Variants in SNTG1 observed in about 807,000 individuals in gnomAD.
The protein encoded by SNTG1 is gamma-1-syntrophin.
A neutral mutation model predicts 74.7 loss-of-function variants in SNTG1; 39 were observed. The ratio of observed to expected loss-of-function variants is 0.52; its 90% confidence interval spans 0.40 to 0.68. The LOEUF (loss-of-function observed/expected upper bound fraction) is 0.68, where lower values mean the gene tolerates loss of function less well. SNTG1 is among the 30% of genes least tolerant of loss of function. The probability of loss-of-function intolerance (pLI) is 0.00; values close to 1 mark genes in which losing one functional copy is unlikely to be tolerated. For missense variants in SNTG1, 685 were observed against 609.5 expected, an observed-to-expected ratio of 1.12 and a Z score of -1.30; for synonymous variants, 254 against 217.1, an observed-to-expected ratio of 1.17 and a Z score of -1.49.
chr8:50,130,543 C>A (rs900236819), intron 1 of SNTG1, among the ~76,000 whole-genome samples: 1 of 152,036 alleles, frequency 6.6e-6, no homozygotes, highest in Non-Finnish European at 1.5e-5. Flanking sequence ...CAAAATATAA[C>A]ACTTTCACAA....
At chr8:50,259,532 G>A (rs866610712) in intron 2 of SNTG1, among the ~76,000 whole-genome samples, 119 of 7,588 alleles carry the variant, frequency 0.016, 22 homozygotes, top group African/African-American at 0.019. Context: ...AAGAAAGAAA[G>A]AAAGAAAGAA....
intron 2 of SNTG1, among the ~76,000 whole-genome samples, chr8:50,182,815 A>C (rs1472342154): frequency 2.0e-5 from 3 of 152,032 alleles, no homozygotes; most frequent in African/African-American, 7.2e-5. Context: ...TGCATCCCAT[A>C]TCACTCCTCT....
chr8:50,694,218 G>A (rs2095394742), intron 15 of SNTG1, among the ~76,000 whole-genome samples: 2 of 150,862 alleles, frequency 1.3e-5, no homozygotes, highest in Non-Finnish European at 3.0e-5. Context: ...AAAAAGATAA[G>A]AGACTCAAAT....
At chr8:50,502,743 A>AATGATGATTGTATTCTTTTTATTCT (rs1305803596) in intron 8 of SNTG1, 35 bp from the exon 9 acceptor site, 6 of 1,520,938 alleles carry the variant, frequency 3.9e-6, no homozygotes, top group Non-Finnish European at 5.5e-6. Context: ...TGATAAATGT[A>AATGATGATTGTATTCTTTTTATTCT]ATGATGATTG....
chr8:50,346,561 A>G lies in SNTG1; in HGVS notation c.-27-47651A>G, dbSNP rs536102857. ...GAAGCCACGTTTCTCCCTTTAAATC[A>G]AAAGCTAGAAATAATTAAGCTTAAT... On this transcript the variant is annotated intron_variant, in intron 2 of 18. Transcript: ENST00000642720. Among the ~76,000 whole-genome samples, 594 of 152,358 alleles carry G rather than the reference A, an allele frequency of 3.9e-3. 7 individuals carry two copies. Among genetic ancestry groups the G allele is most frequent in the African/African-American group, 0.013 (542 of 41,586 alleles).
chr8:50,466,523 C>T (rs568997576), intron 8 of SNTG1, among the ~76,000 whole-genome samples: 1 of 151,922 alleles, frequency 6.6e-6, no homozygotes, highest in Admixed American at 6.6e-5. Flanking sequence ...AATTTAAAGT[C>T]TTTTGCTGTT....
chr8:50,072,297 A>T (rs931025714), intron 1 of SNTG1, among the ~76,000 whole-genome samples: 2 of 152,228 alleles, frequency 1.3e-5, no homozygotes, highest in African/African-American at 4.8e-5. Flanking sequence ...ATGACTTAAC[A>T]TAGTGCTGAG....
intron 1 of SNTG1, among the ~76,000 whole-genome samples, chr8:50,110,047 G>T (rs1027397631): frequency 6.6e-6 from 1 of 152,140 alleles, no homozygotes; most frequent in Non-Finnish European, 1.5e-5. Context: ...AATTGGATAT[G>T]AATTCTATCT....
intron 11 of SNTG1, among the ~76,000 whole-genome samples, chr8:50,551,380 A>G (rs1396731936): frequency 2.0e-5 from 3 of 152,160 alleles, no homozygotes; most frequent in Admixed American, 6.5e-5. Flanking sequence ...TAACATCTAT[A>G]ATTACATAGA....
At chr8:50,014,806 G>T (rs1379406481) in intron 1 of SNTG1, among the ~76,000 whole-genome samples, 1 of 151,982 alleles carries the variant, frequency 6.6e-6, no homozygotes, top group Non-Finnish European at 1.5e-5. Context: ...TGTCAGAAGA[G>T]ATCTCAGTGG....
intron 1 of SNTG1, among the ~76,000 whole-genome samples, chr8:50,012,357 A>G (rs565142181): frequency 2.0e-5 from 3 of 152,272 alleles, no homozygotes; most frequent in South Asian, 2.1e-4. Context: ...TCCTGCTGCA[A>G]TACAATAAAT....
At chr8:50,550,693 G>GTGTATATATATATATATATATATATATA (rs1554571332) in intron 11 of SNTG1, among the ~76,000 whole-genome samples, 5 of 149,028 alleles carry the variant, frequency 3.4e-5, no homozygotes, top group African/African-American at 1.2e-4. Flanking sequence ...TAGTGTGTGT[G>GTGTATATATATATATATATATATATATA]TATATATATA....
In SNTG1 at chr8:50,343,568, G is replaced by T. The variant is rs116308277; in HGVS notation, c.-27-50644G>T. Among the ~76,000 whole-genome samples the T allele has an allele frequency of 5.6e-3, 846 of 152,232 alleles. 12 individuals carry two copies. The highest frequency in any genetic ancestry group is 0.02 in the African/African-American group (812 of 41,530). On this transcript the variant is annotated intron_variant, in intron 2 of 18. Transcript: ENST00000642720. Reference sequence around the variant, plus strand: ...TAACATAAATATTAATGATGTATTGGATTTTTAATAAAGAAATGTAAATAG... The same window carrying T: ...TAACATAAATATTAATGATGTATTGTATTTTTAATAAAGAAATGTAAATAG...
At chr8:50,613,500 G>T (rs1303269347) in intron 13 of SNTG1, among the ~76,000 whole-genome samples, 1 of 152,130 alleles carries the variant, frequency 6.6e-6, no homozygotes, top group African/African-American at 2.4e-5. Context: ...GAGACAGAAT[G>T]CAGGAAGATA....
intron 1 of SNTG1, among the ~76,000 whole-genome samples, chr8:50,051,551 A>C (rs990150820): frequency 6.6e-6 from 1 of 152,114 alleles, no homozygotes; most frequent in Non-Finnish European, 1.5e-5. Flanking sequence ...CAGTTGTGTA[A>C]GTTTGAAGTC....
intron 4 of SNTG1, among the ~76,000 whole-genome samples, chr8:50,405,786 C>T (rs887160599): frequency 4.6e-5 from 7 of 151,836 alleles, no homozygotes; most frequent in Admixed American, 6.6e-5. Flanking sequence ...CTTACTTGTG[C>T]GTTTGGTTAT....
intron 13 of SNTG1, among the ~76,000 whole-genome samples, chr8:50,599,786 G>A (rs562684935): frequency 1.1e-4 from 16 of 152,028 alleles, no homozygotes; most frequent in South Asian, 2.1e-4. Context: ...TTCCAATTTC[G>A]ATGCTGTTTA....
intron 1 of SNTG1, among the ~76,000 whole-genome samples, chr8:49,982,754 C>G (rs573054805): frequency 6.6e-6 from 1 of 151,864 alleles, no homozygotes; most frequent in East Asian, 1.9e-4. Flanking sequence ...TAGTTTAGAT[C>G]ATTCCTAGTT....
chr8:50,194,720 A>T (rs1211653530), intron 2 of SNTG1, among the ~76,000 whole-genome samples: 2 of 150,448 alleles, frequency 1.3e-5, no homozygotes, highest in Admixed American at 6.6e-5. Context: ...TTGGGTTTGG[A>T]TTATTCTTGT....
Sources: gnomAD v4.1 joint callset for allele counts (sites outside exome capture counted in the v4.1 genomes callset) on GRCh38, gnomAD v4.1.1 for gene constraint, MANE v1.5 for transcripts, NCBI Gene and HGNC (gene_info 2026-07-23, HGNC 2026-07-21) for gene names.